FOXP1: variants seen among roughly 807,000 people sequenced by gnomAD.
The protein encoded by FOXP1 is forkhead box P1.
Under a neutral mutation model 98.2 loss-of-function variants are expected in FOXP1, and 15 were observed. The ratio of observed to expected loss-of-function variants is 0.15; its 90% CI spans 0.10 to 0.24. The LOEUF (loss-of-function observed/expected upper bound fraction) is 0.24. Among genes scored for constraint, FOXP1 ranks in the 10% least tolerant of loss-of-function variants. FOXP1 has a pLI of 1.00. For missense variants in FOXP1, 633 were observed against 848.5 expected (o/e 0.75, Z 3.15); for synonymous variants, 371 against 314.5 (o/e 1.18, Z -1.90).
rs528881054 is a variant in FOXP1 at position 70,976,465 on chromosome 3, C to T, written c.1530+476G>A. Reference sequence around the variant, plus strand: ...ACAAACAGTGCTAGTGCTTGGATTGCACAGCTTTCTCTACTAATTGGGTTA... The same window carrying T: ...ACAAACAGTGCTAGTGCTTGGATTGTACAGCTTTCTCTACTAATTGGGTTA... On this transcript the variant is annotated intron_variant, in intron 17 of 20. Coordinates refer to ENST00000649528, the MANE Select transcript of FOXP1 (RefSeq NM_001349338.3). 2.0e-4 allele frequency among the ~76,000 whole-genome samples: 30 copies of T among 152,330 alleles called. No individual in the cohort carries two copies. The South Asian group carries it at 6.2e-3, about 32-fold the overall frequency.
chr3:71,371,337 T>A (rs2079298351), intron 3 of FOXP1, among the ~76,000 whole-genome samples: 1 of 152,146 alleles, frequency 6.6e-6, no homozygotes, highest in African/African-American at 2.4e-5. Context: ...CAGGATTCCA[T>A]GCTCAACCTC....
intron 5 of FOXP1, among the ~76,000 whole-genome samples, chr3:71,205,927 G>T (rs2108432775): frequency 2.0e-5 from 3 of 152,106 alleles, no homozygotes; most frequent in Middle Eastern, 6.8e-3. Flanking sequence ...CTTCAAAAGA[G>T]GAAGAAAAGA....
intron 3 of FOXP1, among the ~76,000 whole-genome samples, chr3:71,456,471 A>G (rs536697351): frequency 2.7e-4 from 41 of 152,288 alleles, no homozygotes; most frequent in Admixed American, 5.2e-4. Flanking sequence ...TATTGTCAAC[A>G]TCAGAATAAG....
In FOXP1 at chr3:71,549,903, TTTAA is replaced by T. The variant is rs2045647544; in HGVS notation, c.-298+31642_-298+31645del. Among the ~76,000 whole-genome samples the T allele has an allele frequency of 2.6e-5, 4 of 151,068 alleles. No individual in the cohort carries two copies. In the South Asian group the frequency reaches 8.3e-4, roughly 31 times the overall value. On this transcript the variant is annotated intron_variant, in intron 2 of 20. Coordinates refer to ENST00000649528, the MANE Select transcript of FOXP1 (RefSeq NM_001349338.3). ...AAAAAAAAACGCTCTCTGGTAAACT[TTTAA>T]TTTTTTTAGGCCTCTTTATATTTAG...
chr3:71,431,307 C>A (rs935950593), intron 3 of FOXP1, among the ~76,000 whole-genome samples: 3 of 152,060 alleles, frequency 2.0e-5, no homozygotes, highest in Admixed American at 6.5e-5. Flanking sequence ...AGACAGAGTG[C>A]GAGAATAAGT....
intron 2 of FOXP1, among the ~76,000 whole-genome samples, chr3:71,560,276 CT>C (rs2046438406): frequency 6.6e-6 from 1 of 152,296 alleles, no homozygotes; most frequent in South Asian, 2.1e-4. Context: ...CAGTGAACTC[CT>C]GCAATAAAGA....
chr3:71,530,613 A>G (rs996846445), intron 2 of FOXP1, among the ~76,000 whole-genome samples: 2 of 152,206 alleles, frequency 1.3e-5, no homozygotes, highest in African/African-American at 4.8e-5. Flanking sequence ...GGGAACTGAC[A>G]TATCAGAGGT....
At chr3:70,977,105 G>T in intron 16 of FOXP1, 63 bp from the exon 17 acceptor site, 1 of 1,091,664 alleles carries the variant, frequency 9.2e-7, no homozygotes, top group Non-Finnish European at 1.4e-6. Context: ...TCATTCCACA[G>T]TTTCTCGAAA....
intron 5 of FOXP1, among the ~76,000 whole-genome samples, chr3:71,226,677 T>C (rs1034238890): frequency 6.6e-6 from 1 of 151,982 alleles, no homozygotes; most frequent in African/African-American, 2.4e-5. Flanking sequence ...CCCTTTCAGT[T>C]TGCCATCTTC....
chr3:71,180,249 G>A (rs2062207387), intron 6 of FOXP1, among the ~76,000 whole-genome samples: 1 of 151,860 alleles, frequency 6.6e-6, no homozygotes, highest in Non-Finnish European at 1.5e-5. Context: ...CGGGCCACAA[G>A]AATCATGTAT....
chr3:71,222,619 A>G (rs2108510972), intron 5 of FOXP1, among the ~76,000 whole-genome samples: 1 of 152,190 alleles, frequency 6.6e-6, no homozygotes, highest in East Asian at 1.9e-4. Context: ...GGGTTTCACC[A>G]TGTTGGCCAG....
chr3:71,008,521 C>T (rs1460680261), intron 12 of FOXP1, among the ~76,000 whole-genome samples: 1 of 152,072 alleles, frequency 6.6e-6, no homozygotes. Context: ...GCAGGAGCAC[C>T]TGCTGCTATC....
At chr3:71,516,045 G>C (rs1176594714) in intron 2 of FOXP1, among the ~76,000 whole-genome samples, 2 of 152,182 alleles carry the variant, frequency 1.3e-5, no homozygotes, top group Non-Finnish European at 2.9e-5. Context: ...ACTAAATACA[G>C]TACATGATCC....
intron 6 of FOXP1, among the ~76,000 whole-genome samples, chr3:71,172,384 G>T (rs1294550946): frequency 6.6e-6 from 1 of 152,104 alleles, no homozygotes; most frequent in African/African-American, 2.4e-5. Flanking sequence ...GGAATCCATC[G>T]GGTTTCAAAA....
intron 3 of FOXP1, among the ~76,000 whole-genome samples, chr3:71,411,797 T>C (rs945788432): frequency 2.0e-5 from 3 of 152,176 alleles, no homozygotes; most frequent in East Asian, 3.9e-4. Flanking sequence ...ATTGCCTCTG[T>C]CACTTAAAGC....
intron 14 of FOXP1, among the ~76,000 whole-genome samples, chr3:70,982,807 G>T (rs1335121496): frequency 1.3e-5 from 2 of 151,808 alleles, no homozygotes; most frequent in African/African-American, 4.8e-5. Flanking sequence ...GTAAACCCCT[G>T]ACAGAAACAG....
intron 1 of FOXP1, chr3:71,582,306 G>A (rs2048244948): frequency 6.2e-6 from 6 of 971,832 alleles, no homozygotes; most frequent in South Asian, 9.5e-5. Context: ...GGGAGGCGGG[G>A]GCGAGGGAAG....
chr3:71,294,625 TATGAATGA>T (rs1470546840), intron 5 of FOXP1, among the ~76,000 whole-genome samples: 1 of 152,162 alleles, frequency 6.6e-6, no homozygotes, highest in Non-Finnish European at 1.5e-5. Flanking sequence ...CATCTGTATG[TATGAATGA>T]ATGAATGAAA....
At chr3:71,578,499 T>G (rs541270595) in intron 2 of FOXP1, among the ~76,000 whole-genome samples, 42 of 152,348 alleles carry the variant, frequency 2.8e-4, no homozygotes, top group African/African-American at 9.9e-4. Context: ...TAAATATACA[T>G]ACTTTTTGAG....
Sources: gnomAD v4.1 joint callset for allele counts (sites outside exome capture counted in the v4.1 genomes callset) on GRCh38, gnomAD v4.1.1 for gene constraint, MANE v1.5 for transcripts, NCBI Gene and HGNC (gene_info 2026-07-23, HGNC 2026-07-21) for gene names.